Variants in DISP3 observed in about 807,000 individuals in gnomAD.
The protein encoded by DISP3 is dispatched RND transporter family member 3.
DISP3 carries 101 observed loss-of-function variants against 135.3 expected under a neutral mutation model. That is an observed-to-expected ratio of 0.75 (90% confidence interval 0.64 to 0.88). DISP3 has a LOEUF of 0.88. Among genes scored for constraint, DISP3 ranks in the 40% least tolerant of loss-of-function variants. The pLI is 0.00. For missense variants in DISP3, 1,713 were observed against 1,878.6 expected (o/e 0.91, Z 1.63); for synonymous variants, 856 against 817.0 (o/e 1.05, Z -0.81).
intron 1 of DISP3, among the ~76,000 whole-genome samples, chr1:11,497,409 G>T (rs1185005620): frequency 6.8e-6 from 1 of 147,710 alleles, no homozygotes; most frequent in Non-Finnish European, 1.5e-5. Context: ...TTTTTTAGAC[G>T]GAGTCTTGCT....
chr1:11,480,112 C>T (rs750064227), intron 1 of DISP3, among the ~76,000 whole-genome samples: 94 of 152,186 alleles, frequency 6.2e-4, no homozygotes, highest in Non-Finnish European at 1.1e-3. Flanking sequence ...TTCCCAACTC[C>T]CTGGGGAGGC....
intron 12 of DISP3, 30 bp downstream of exon 12, chr1:11,525,342 C>T (rs1307604703): frequency 6.2e-7 from 1 of 1,600,098 alleles, no homozygotes; most frequent in African/African-American, 1.3e-5. Flanking sequence ...AAGTGAGCCG[C>T]CACCACTGTG....
At chr1:11,482,646 G>A (rs1354378829) in intron 1 of DISP3, among the ~76,000 whole-genome samples, 2 of 152,146 alleles carry the variant, frequency 1.3e-5, no homozygotes, top group South Asian at 4.1e-4. Context: ...AGAGCTCAGT[G>A]ATTAGCCTTT....
intron 1 of DISP3, among the ~76,000 whole-genome samples, chr1:11,498,574 G>A (rs1641408376): frequency 6.6e-6 from 1 of 152,152 alleles, no homozygotes; most frequent in African/African-American, 2.4e-5. Context: ...TGGCAGCCTT[G>A]CCTGCTTGAT....
intron 1 of DISP3, among the ~76,000 whole-genome samples, chr1:11,500,307 A>G (rs866767944): frequency 3.3e-5 from 5 of 152,256 alleles, no homozygotes; most frequent in African/African-American, 9.6e-5. Context: ...AGCATGTTAC[A>G]GTCCCCAGCC....
Position 11,531,705 on chromosome 1 carries a change from G to C in DISP3, c.3370G>C (p.Glu1124Gln). 1 of 1,599,132 alleles carries C rather than the reference G, an allele frequency of 6.3e-7. No homozygotes were observed. Among genetic ancestry groups the C allele is most frequent in the East Asian group, 2.2e-5 (1 of 44,726 alleles). Residue 1124 changes from glutamate (E) to glutamine (Q), a missense_variant, in exon 17 of 21, where the codon GAG becomes CAG. Glu to Gln is a conservative substitution (Grantham distance 29). Coordinates refer to ENST00000294484, the MANE Select transcript of DISP3 (RefSeq NM_020780.2). This position sits in a 1 kb window ranked among gnomAD's most constrained non-coding sequence, Gnocchi z 5.2. ...CGTGCAGTGGATCTCCATGGCTTTC[G>C]AGTCGGTGAGCCCAGGCAGCCTCAC... is the stretch of plus-strand genomic sequence containing the variant. ...GRVQWISMAF[E>Q]STTYKGKSSF... is the part of the protein sequence containing the mutation.
chr1:11,529,677 A>G lies in DISP3; in HGVS notation c.2920A>G (p.Ser974Gly). Residue 974 changes from serine (S) to glycine (G), a missense_variant, in exon 14 of 21, where the codon AGT becomes GGT. By Grantham distance (56) the Ser-to-Gly change is moderately conservative. Around this residue, in one of 2 missense-constraint regions of DISP3, gnomAD observed 1,142 missense variants for 1,384.6 expected, o/e 0.82. Coordinates refer to ENST00000294484, the MANE Select transcript of DISP3 (RefSeq NM_020780.2). This position sits in a 1 kb window ranked among gnomAD's most constrained non-coding sequence, Gnocchi z 4.7. ...GPTKGFFFVP[S>G]EKVPKARLSA... Reference sequence around the variant, plus strand: ...TACCAAAGGCTTCTTCTTCGTGCCTAGTGAGAAAGGTACGGCAAGGGCACA... The same window carrying G: ...TACCAAAGGCTTCTTCTTCGTGCCTGGTGAGAAAGGTACGGCAAGGGCACA... The G allele has an allele frequency of 1.2e-6, 2 of 1,606,038 alleles. No individual in the cohort carries two copies. Among genetic ancestry groups the G allele is most frequent in the Non-Finnish European group, 1.7e-6 (2 of 1,173,774 alleles).
At chr1:11,503,219 AAGG>A (rs1641603130) in intron 3 of DISP3, among the ~76,000 whole-genome samples, 1 of 152,318 alleles carries the variant, frequency 6.6e-6, no homozygotes, top group African/African-American at 2.4e-5. Context: ...GCCAGGGAAT[AAGG>A]AGTTCCTCAC....
rs1025895879 is a variant in DISP3, at chr1:11,529,651, C to G, written c.2894C>G (p.Pro965Arg). The change falls in exon 14 of 21, where the codon CCT becomes CGT. Residue 965 changes from proline to arginine, a missense_variant. Pro to Arg is a moderately radical substitution (Grantham distance 103). Transcript: ENST00000294484. This position sits in a 1 kb window ranked among gnomAD's most constrained non-coding sequence, Gnocchi z 4.7. ...CTGCTTAGCTCCAGCCCCGATGGGC[C>G]TACCAAAGGCTTCTTCTTCGTGCCT... ...GCLLSSSPDG[P>R]TKGFFFVPSE... 23 of 1,608,522 alleles carry G rather than the reference C, an allele frequency of 1.4e-5. No homozygotes were observed. Among genetic ancestry groups the G allele is most frequent in the Non-Finnish European group, 2.0e-5 (23 of 1,175,762 alleles).
chr1:11,491,737 G>C lies in DISP3; in HGVS notation c.-3-9253G>C, dbSNP rs1240760312. On this transcript the variant is annotated intron_variant, in intron 1 of 20. Transcript: ENST00000294484. This position sits in a 1 kb window ranked among gnomAD's most constrained non-coding sequence, Gnocchi z 4.3. ...GACTCCGATTCACGTAAAAGTCCAA[G>C]GATCTTTGGGGCAGAGAATAAGGGA... 6.6e-6 allele frequency among the ~76,000 whole-genome samples: 1 copy of C among 152,208 alleles called. No homozygotes were observed. Among genetic ancestry groups the C allele is most frequent in the East Asian group, 1.9e-4 (1 of 5,188 alleles).
Position 11,499,448 on chromosome 1 carries a change from C to G in DISP3, c.-3-1542C>G, listed in dbSNP as rs1159369008. 6.6e-6 allele frequency among the ~76,000 whole-genome samples: 1 copy of G among 152,068 alleles called. No individual in the cohort carries two copies. Among genetic ancestry groups the G allele is most frequent in the East Asian group, 1.9e-4 (1 of 5,196 alleles). On this transcript the variant is annotated intron_variant, in intron 1 of 20. Coordinates refer to ENST00000294484, the MANE Select transcript of DISP3 (RefSeq NM_020780.2). This position sits in a 1 kb window ranked among gnomAD's most constrained non-coding sequence, Gnocchi z 5.2. Reference sequence around the variant, plus strand: ...GGGTGAGTCTGAGCTGCCTCCAGTGCGAATACAAATCGGGACTCAGAGCAG... The same window carrying G: ...GGGTGAGTCTGAGCTGCCTCCAGTGGGAATACAAATCGGGACTCAGAGCAG...
rs756328559 is a variant in DISP3 at position 11,500,299 on chromosome 1, C to T, written c.-3-691C>T. The stretch of plus-strand genomic sequence containing the variant: ...GCACAGTTCCTGGGCAATGGCTGAG[C>T]ATGTTACAGTCCCCAGCCGGGAGCA... On this transcript the variant is annotated intron_variant, in intron 1 of 20. Transcript: ENST00000294484. Among the ~76,000 whole-genome samples, 98 of 152,256 alleles carry T rather than the reference C, an allele frequency of 6.4e-4. 1 individual carries two copies. The highest frequency in any genetic ancestry group is 1.3e-3 in the Non-Finnish European group (88 of 68,032).
At chr1:11,521,261 GAAAGAA>G (rs1642180468) in intron 10 of DISP3, among the ~76,000 whole-genome samples, 5 of 134,146 alleles carry the variant, frequency 3.7e-5, no homozygotes, top group East Asian at 2.4e-4. Flanking sequence ...GGGAGAGGAG[GAAAGAA>G]GAGGGGTCAA....
chr1:11,506,233 G>A (rs1359843872), intron 3 of DISP3, among the ~76,000 whole-genome samples: 1 of 152,060 alleles, frequency 6.6e-6, no homozygotes, highest in Admixed American at 6.6e-5. Context: ...TTTTCTTTGT[G>A]TTTGTTCTGT....
At position 11,520,873 on chromosome 1, in the gene DISP3, C is replaced by A; in HGVS notation, c.2362+25C>A. 1 of 1,567,360 alleles carries A rather than the reference C, an allele frequency of 6.4e-7. No homozygotes were observed. The highest frequency in any genetic ancestry group is 8.7e-7 in the Non-Finnish European group (1 of 1,155,064). ...GGTGAGGCTTCTAGCCAGGCTGTCCCTGGCCCGCTCAGGTGTCCGGGTCCC... is the reference window on the plus strand; with the variant it reads ...GGTGAGGCTTCTAGCCAGGCTGTCCATGGCCCGCTCAGGTGTCCGGGTCCC... On this transcript the variant is annotated intron_variant, in intron 10 of 20. Transcript: ENST00000294484. The surrounding 1 kb of genome is among the most constrained non-coding windows in gnomAD (Gnocchi z 4.8).
At position 11,515,425 on chromosome 1, in the gene DISP3, T is replaced by G. The variant is rs1474857951; in HGVS notation, c.1510T>G (p.Phe504Val). ...TGGTCTCAGCTGCCTGGTGGCCCTC[T>G]TCCTGTACCACGTGGTCTTTGGTAT... Reference protein sequence around the residue: ...SIGLSCLVALFLYHVVFGIQY... With the variant: ...SIGLSCLVALVLYHVVFGIQY... Residue 504 changes from phenylalanine (F) to valine (V), a missense_variant, in exon 5 of 21, where the codon TTC (phenylalanine) becomes GTC (valine). This residue lies in a region of DISP3 where 1,142 missense variants were observed against 1,384.6 expected (regional missense o/e 0.82). Coordinates refer to ENST00000294484, the MANE Select transcript of DISP3 (RefSeq NM_020780.2). 1.9e-6 allele frequency: 3 copies of G among 1,614,206 alleles called. No individual in the cohort carries two copies. The highest frequency in any genetic ancestry group is 2.5e-6 in the Non-Finnish European group (3 of 1,179,988).
intron 3 of DISP3, among the ~76,000 whole-genome samples, chr1:11,503,522 G>T (rs1641613242): frequency 6.6e-6 from 1 of 152,170 alleles, no homozygotes; most frequent in Non-Finnish European, 1.5e-5. Flanking sequence ...AGGCCAGAGA[G>T]CGTAGAGTTT....
Position 11,534,232 on chromosome 1 carries a change from G to A in DISP3, c.3376-149G>A, listed in dbSNP as rs1368074713. On this transcript the variant is annotated intron_variant, in intron 17 of 20. Transcript: ENST00000294484. ...CACATGATGCCTCCAGAAGCTGGTG[G>A]GGACTCATTTTGGATTGAATCGTTG... 7.7e-6 allele frequency: 7 copies of A among 904,428 alleles called. No individual in the cohort carries two copies. The East Asian group carries it at 1.8e-4, about 23-fold the overall frequency. The allele number at this position is 904,428 out of a possible 1,614,324, so 56.0% of individuals were successfully genotyped here.
intron 3 of DISP3, among the ~76,000 whole-genome samples, chr1:11,504,861 A>G (rs1641652932): frequency 6.6e-6 from 1 of 152,232 alleles, no homozygotes; most frequent in South Asian, 2.1e-4. Context: ...GTATTCTGTT[A>G]TAGCAACATA....
Sources: gnomAD v4.1 joint callset for allele counts (sites outside exome capture counted in the v4.1 genomes callset) on GRCh38, gnomAD v4.1.1 for gene constraint, gnomAD v4.1.1 regional missense constraint, Gnocchi (gnomAD v3.1) non-coding constraint, MANE v1.5 for transcripts, NCBI Gene and HGNC (gene_info 2026-07-23, HGNC 2026-07-21) for gene names.